Variants in RUNX1 observed in about 807,000 individuals in gnomAD.
RUNX1 encodes the protein RUNX family transcription factor 1, also known as runt-related transcription factor 1.
RUNX1 carries 19 observed loss-of-function variants against 42.8 expected under a neutral mutation model. The ratio of observed to expected loss-of-function variants is 0.44; its 90% CI spans 0.31 to 0.65. The LOEUF (loss-of-function observed/expected upper bound fraction) is 0.65, where lower values mean the gene tolerates loss of function less well. RUNX1 is among the 30% of genes least tolerant of loss of function. The probability of loss-of-function intolerance (pLI) is 0.07; values close to 1 mark genes in which losing one functional copy is unlikely to be tolerated. For missense variants in RUNX1, 528 were observed against 672.0 expected (o/e 0.79, Z 2.37); for synonymous variants, 271 against 289.4 (o/e 0.94, Z 0.64).
intron 7 of RUNX1, among the ~76,000 whole-genome samples, chr21:34,808,541 C>T (rs1376403204): frequency 2.0e-5 from 3 of 152,124 alleles, no homozygotes; most frequent in Middle Eastern, 3.2e-3. Context: ...GCTGGTTCAC[C>T]CTGGAGTCCT....
chr21:34,938,474 T>C (rs1452170610), intron 2 of RUNX1, among the ~76,000 whole-genome samples: 2 of 152,140 alleles, frequency 1.3e-5, no homozygotes, highest in Non-Finnish European at 2.9e-5. Context: ...TTTATAGTTC[T>C]CTCATTTTCT....
chr21:35,018,001 C>T (rs954815668), intron 2 of RUNX1, among the ~76,000 whole-genome samples: 6 of 151,958 alleles, frequency 3.9e-5, no homozygotes, highest in African/African-American at 1.5e-4. Flanking sequence ...TGCCCATACC[C>T]CAAAATTTAT....
intron 2 of RUNX1, among the ~76,000 whole-genome samples, chr21:34,924,685 C>A (rs2058379988): frequency 6.6e-6 from 1 of 152,268 alleles, no homozygotes; most frequent in Non-Finnish European, 1.5e-5. Flanking sequence ...CTGAAGAGTT[C>A]AATTTTATCT....
chr21:34,899,557 T>C (rs1360300977), intron 2 of RUNX1, among the ~76,000 whole-genome samples: 2 of 152,196 alleles, frequency 1.3e-5, no homozygotes, highest in Non-Finnish European at 2.9e-5. Flanking sequence ...TATAGCAGCC[T>C]GAGCTGACCA....
At chr21:34,798,376 A>G (rs890487893) in intron 8 of RUNX1, among the ~76,000 whole-genome samples, 1 of 152,202 alleles carries the variant, frequency 6.6e-6, no homozygotes, top group African/African-American at 2.4e-5. Context: ...TTCCCTGCCC[A>G]CGAGCAAAGG....
intron 2 of RUNX1, among the ~76,000 whole-genome samples, chr21:34,895,978 A>G (rs1465869996): frequency 1.3e-5 from 2 of 151,934 alleles, no homozygotes; most frequent in Non-Finnish European, 2.9e-5. Context: ...GGATTAAGCA[A>G]TGGAGATGGA....
At chr21:34,863,902 C>T (rs911601303) in intron 5 of RUNX1, among the ~76,000 whole-genome samples, 1 of 152,184 alleles carries the variant, frequency 6.6e-6, no homozygotes, top group Non-Finnish European at 1.5e-5. Context: ...TCATGTGGTT[C>T]TCCCTCACAA....
At chr21:34,838,175 C>T (rs972711186) in intron 6 of RUNX1, among the ~76,000 whole-genome samples, 28 of 152,110 alleles carry the variant, frequency 1.8e-4, no homozygotes, top group African/African-American at 3.6e-4. Flanking sequence ...ATGCATATCT[C>T]GTTGATAACC....
chr21:34,883,242 C>G (rs2057932172), intron 4 of RUNX1, among the ~76,000 whole-genome samples: 1 of 152,072 alleles, frequency 6.6e-6, no homozygotes, highest in Non-Finnish European at 1.5e-5. Context: ...AACTCCCACT[C>G]CTCTTTTTTT....
At chr21:34,862,122 G>A (rs184568747) in intron 5 of RUNX1, among the ~76,000 whole-genome samples, 85 of 152,152 alleles carry the variant, frequency 5.6e-4, no homozygotes, top group Non-Finnish European at 1.0e-3. Flanking sequence ...GTATGAGAGA[G>A]AGAGAGAGAG....
In RUNX1 at chr21:34,930,296, A is replaced by AT. The variant is rs1569110424; in HGVS notation, c.59-37334_59-37333insA. Among the ~76,000 whole-genome samples, 160 of 140,662 alleles carry AT rather than the reference A, an allele frequency of 1.1e-3. 5 individuals are homozygous for AT. The highest frequency in any genetic ancestry group is 4.4e-3 in the African/African-American group (156 of 35,382). 92.3% of individuals were successfully genotyped at this position (140,662 alleles called of 152,430 possible). On this transcript the variant is annotated intron_variant, in intron 2 of 8. Coordinates refer to ENST00000675419, the MANE Select transcript of RUNX1 (RefSeq NM_001754.5). The stretch of plus-strand genomic sequence containing the variant: ...TATATATATATATATATATATAAAT[A>AT]AATAAATAAAATTTTACAACTAACA...
At chr21:34,794,908 G>A (rs150587165) in intron 8 of RUNX1, among the ~76,000 whole-genome samples, 43 of 152,266 alleles carry the variant, frequency 2.8e-4, no homozygotes, top group African/African-American at 1.0e-3. Context: ...TCCAGACATT[G>A]CCAGATATCC....
intron 2 of RUNX1, among the ~76,000 whole-genome samples, chr21:34,972,484 G>A (rs114222923): frequency 0.021 from 3,157 of 152,158 alleles, 114 homozygotes; most frequent in African/African-American, 0.072. Context: ...ATAACCAAAA[G>A]CAAACTCCTG....
At chr21:34,977,276 T>C (rs2058810012) in intron 2 of RUNX1, among the ~76,000 whole-genome samples, 2 of 152,220 alleles carry the variant, frequency 1.3e-5, no homozygotes, top group East Asian at 1.9e-4. Context: ...CTCATCCTTC[T>C]GAAGAAGGGA....
At chr21:34,899,485 C>T (rs964313193) in intron 2 of RUNX1, among the ~76,000 whole-genome samples, 7 of 152,170 alleles carry the variant, frequency 4.6e-5, no homozygotes, top group African/African-American at 1.2e-4. Flanking sequence ...GACTTCCCAA[C>T]CTCCAGAGCT....
intron 2 of RUNX1, among the ~76,000 whole-genome samples, chr21:35,035,037 C>G (rs963221092): frequency 6.6e-6 from 1 of 152,156 alleles, no homozygotes; most frequent in Non-Finnish European, 1.5e-5. Context: ...CTGGGATAAC[C>G]CACTTGGGGT....
rs2058842367 is a variant in RUNX1, at chr21:34,981,018, A to G, written c.58+67824T>C. Among the ~76,000 whole-genome samples, 3 of 152,236 alleles carry G rather than the reference A, an allele frequency of 2.0e-5. No individual in the cohort carries two copies. The South Asian group carries it at 6.2e-4, about 31-fold the overall frequency. On this transcript the variant is annotated intron_variant, in intron 2 of 8. Transcript: ENST00000675419. ...TTTAAACACCAAGTCTATCATTATAAAGGTACTTTATCAGCAAAACTGTCA... is the reference window on the plus strand; with the variant it reads ...TTTAAACACCAAGTCTATCATTATAGAGGTACTTTATCAGCAAAACTGTCA...
intron 2 of RUNX1, among the ~76,000 whole-genome samples, chr21:34,923,300 C>T (rs914765340): frequency 1.3e-5 from 2 of 152,192 alleles, no homozygotes; most frequent in Non-Finnish European, 2.9e-5. Flanking sequence ...TTAAATTGGG[C>T]TCCTTAAGAG....
Position 34,870,038 on chromosome 21 carries a change from G to A in RUNX1, c.509-10460C>T, listed in dbSNP as rs547633167. Among the ~76,000 whole-genome samples the A allele has an allele frequency of 5.9e-5, 9 of 152,170 alleles. No individual in the cohort carries two copies. In the East Asian group the frequency reaches 7.7e-4, roughly 13 times the overall value. On this transcript the variant is annotated intron_variant, in intron 5 of 8. Coordinates refer to ENST00000675419, the MANE Select transcript of RUNX1 (RefSeq NM_001754.5). ...CAAATTACAGTACATATTTAATTTC[G>A]TTTCTCCTATTGCTAACAGGAATCT...
Sources: gnomAD v4.1 joint callset for allele counts (sites outside exome capture counted in the v4.1 genomes callset) on GRCh38, gnomAD v4.1.1 for gene constraint, MANE v1.5 for transcripts, NCBI Gene and HGNC (gene_info 2026-07-23, HGNC 2026-07-21) for gene names.